Variants in EML1 observed in about 807,000 individuals in gnomAD.
The protein encoded by EML1 is echinoderm microtubule-associated protein-like 1.
Under a neutral mutation model 110.4 loss-of-function variants are expected in EML1, and 27 were observed. That is an observed-to-expected ratio of 0.24 (90% CI 0.18 to 0.34). The LOEUF (loss-of-function observed/expected upper bound fraction) is 0.34. Among genes scored for constraint, EML1 ranks in the 10% least tolerant of loss-of-function variants. The probability of loss-of-function intolerance (pLI) is 1.00; values close to 1 mark genes in which losing one functional copy is unlikely to be tolerated. For missense variants in EML1, 741 were observed against 1,030.9 expected (o/e 0.72, Z 3.85); for synonymous variants, 344 against 385.8 (o/e 0.89, Z 1.27).
intron 1 of EML1, among the ~76,000 whole-genome samples, chr14:99,808,044 C>T (rs576442039): frequency 2.6e-5 from 4 of 152,258 alleles, no homozygotes; most frequent in South Asian, 4.1e-4. Flanking sequence ...CAGACTATCC[C>T]TGGGGTGAAG....
intron 17 of EML1, among the ~76,000 whole-genome samples, chr14:99,927,565 T>C (rs1258656673): frequency 6.6e-6 from 1 of 152,144 alleles, no homozygotes; most frequent in Non-Finnish European, 1.5e-5. Context: ...ATTTCCAATG[T>C]TAGCTTTTCT....
At chr14:99,759,494 G>C (rs1249047370) in intron 1 of EML1, among the ~76,000 whole-genome samples, 1 of 152,200 alleles carries the variant, frequency 6.6e-6, no homozygotes, top group Non-Finnish European at 1.5e-5. Context: ...TTTCTCCTTA[G>C]TTTCTGCTGA....
chr14:99,807,056 C>A (rs137883112), intron 1 of EML1, among the ~76,000 whole-genome samples: 1 of 151,996 alleles, frequency 6.6e-6, no homozygotes, highest in African/African-American at 2.4e-5. Flanking sequence ...CGTTTGGCAC[C>A]GTTTGATGCC....
chr14:99,931,284 A>T (rs1237703881), intron 17 of EML1, among the ~76,000 whole-genome samples: 2 of 142,778 alleles, frequency 1.4e-5, no homozygotes, highest in Non-Finnish European at 3.0e-5. Context: ...TTGTCAGCTT[A>T]CAGGTACTTT....
chr14:99,788,090 A>G (rs1013381308), intron 1 of EML1, among the ~76,000 whole-genome samples: 5 of 151,786 alleles, frequency 3.3e-5, no homozygotes, highest in Non-Finnish European at 5.9e-5. Context: ...CCCATCTCCT[A>G]CCCTAGCTTG....
rs114522105 is a variant in EML1, at chr14:99,746,930, C to T, written c.28+9070C>T. Among the ~76,000 whole-genome samples the T allele has an allele frequency of 1.4e-3, 210 of 152,242 alleles. 2 individuals are homozygous for T. The highest frequency in any genetic ancestry group is 4.2e-3 in the African/African-American group (175 of 41,560). ...AGCATCTGCCGCGCCCTGCCCTGGGCGGCTCCTCCGCACTCCTGTTTGCTA... is the reference window on the plus strand; with the variant it reads ...AGCATCTGCCGCGCCCTGCCCTGGGTGGCTCCTCCGCACTCCTGTTTGCTA... On this transcript the variant is annotated intron_variant, in intron 1 of 10. Transcript: ENST00000554479.
At chr14:99,909,248 T>G in intron 10 of EML1, 97 bp from the exon 11 acceptor site, 2 of 1,572,004 alleles carry the variant, frequency 1.3e-6, no homozygotes, top group Non-Finnish European at 1.8e-6. Context: ...GCCTTGAATT[T>G]CTTATTTATT....
intron 15 of EML1, among the ~76,000 whole-genome samples, chr14:99,916,107 T>G (rs1312645283): frequency 6.6e-6 from 1 of 152,232 alleles, no homozygotes; most frequent in Admixed American, 6.5e-5. Context: ...TGACAGCTCC[T>G]TTACCAGGCT....
Position 99,940,353 on chromosome 14 carries a change from G to A in EML1, c.*241G>A, listed in dbSNP as rs2060568071. The A allele has an allele frequency of 2.0e-5, 7 of 356,534 alleles. No homozygotes were observed. The highest frequency in any genetic ancestry group is 2.9e-5 in the Non-Finnish European group (6 of 205,282). 22.1% of individuals were successfully genotyped at this position (356,534 alleles called of 1,614,324 possible). A position where few individuals can be genotyped will look rare whatever the true frequency, so the allele number is the denominator to read the frequency against. On this transcript the variant is annotated 3_prime_UTR_variant, in exon 22 of 22. Transcript: ENST00000262233. ...CATTGAATACCAACAAGGTTGCAACGTTTACATTATAGCCACATCAACAGA... is the reference window on the plus strand; with the variant it reads ...CATTGAATACCAACAAGGTTGCAACATTTACATTATAGCCACATCAACAGA...
intron 4 of EML1, chr14:99,886,008 C>A: frequency 2.6e-6 from 1 of 379,158 alleles, no homozygotes; most frequent in Non-Finnish European, 5.1e-6. Flanking sequence ...ATGAAGCAGT[C>A]GCTTTTGTCC....
intron 3 of EML1, among the ~76,000 whole-genome samples, chr14:99,872,608 TG>T (rs1262720846): frequency 1.3e-5 from 2 of 152,230 alleles, no homozygotes; most frequent in Admixed American, 1.3e-4. Flanking sequence ...GGTTCGTTTC[TG>T]GCATTTATGG....
At chr14:99,819,580 C>T (rs549793214) in intron 1 of EML1, among the ~76,000 whole-genome samples, 29 of 152,296 alleles carry the variant, frequency 1.9e-4, no homozygotes, top group Non-Finnish European at 2.2e-4. Flanking sequence ...GAAGTGCCAG[C>T]GTGCACGTGA....
At chr14:99,838,147 T>C (rs2058571458) in intron 1 of EML1, among the ~76,000 whole-genome samples, 1 of 152,196 alleles carries the variant, frequency 6.6e-6, no homozygotes, top group Admixed American at 6.5e-5. Flanking sequence ...AAGGACAGGC[T>C]CTTATGCAGG....
intron 1 of EML1, among the ~76,000 whole-genome samples, chr14:99,767,829 T>C (rs185061375): frequency 2.0e-5 from 3 of 152,234 alleles, no homozygotes; most frequent in Non-Finnish European, 4.4e-5. Context: ...CTCATTCACA[T>C]ACACATCTGT....
chr14:99,861,438 C>T (rs2059002144), intron 2 of EML1, among the ~76,000 whole-genome samples: 1 of 152,136 alleles, frequency 6.6e-6, no homozygotes, highest in African/African-American at 2.4e-5. Context: ...ATTTTAAGAG[C>T]CTAAATGGAG....
intron 1 of EML1, among the ~76,000 whole-genome samples, chr14:99,751,973 A>G (rs1042846410): frequency 6.6e-6 from 1 of 152,128 alleles, no homozygotes; most frequent in African/African-American, 2.4e-5. Context: ...GGGAATGTTC[A>G]TTCTCAGCGA....
chr14:99,880,854 T>C (rs2059373226), intron 4 of EML1, among the ~76,000 whole-genome samples: 1 of 152,244 alleles, frequency 6.6e-6, no homozygotes, highest in East Asian at 1.9e-4. Flanking sequence ...TTATCCAGCG[T>C]AGGGCTTGGC....
rs1274304054 is a variant in EML1 at position 99,853,384 on chromosome 14, C to T, written c.250+2349C>T. ...AGGAGGGGCGTGCCCGTGGGAGGGG[C>T]ATGCCCACGGGAGGGGTGTGCCCGT... On this transcript the variant is annotated intron_variant, in intron 2 of 21. Transcript: ENST00000262233. Among the ~76,000 whole-genome samples the T allele has an allele frequency of 5.9e-5, 9 of 151,626 alleles. No homozygotes were observed. The East Asian group carries it at 1.6e-3, about 26-fold the overall frequency.
intron 1 of EML1, among the ~76,000 whole-genome samples, chr14:99,810,042 C>G (rs779461404): frequency 3.9e-5 from 6 of 152,186 alleles, no homozygotes; most frequent in Non-Finnish European, 5.9e-5. Context: ...TGCAATGCGG[C>G]CCAGTCAGGG....
Sources: allele counts gnomAD v4.1 joint callset (sites outside exome capture counted in the v4.1 genomes callset), GRCh38; gene constraint gnomAD v4.1.1; transcripts MANE v1.5; gene names NCBI Gene and HGNC (gene_info 2026-07-23, HGNC 2026-07-21).